Variants in MLIP observed in about 807,000 individuals in gnomAD.
MLIP encodes the protein muscular LMNA interacting protein.
A neutral mutation model predicts 84.8 loss-of-function variants in MLIP; 79 were observed. The observed-to-expected ratio is 0.93, with a 90% CI of 0.78 to 1.12. The LOEUF is 1.12. MLIP is among the 50% of genes most tolerant of loss of function. MLIP has a pLI of 0.00. For synonymous variants in MLIP, 504 were observed against 463.0 expected (o/e 1.09, Z -1.14); for missense variants, 1,257 against 1,160.6 (o/e 1.08, Z -1.21).
At chr6:54,030,734 C>A (rs984657571) in intron 1 of MLIP, 2 of 152,128 alleles carry the variant, frequency 1.3e-5, no homozygotes, top group African/African-American at 4.8e-5. Flanking sequence ...GCAGTCTCAT[C>A]TGCAGACAGG....
intron 1 of MLIP, among the ~76,000 whole-genome samples, chr6:54,025,844 A>G (rs535698237): frequency 1.3e-5 from 2 of 152,248 alleles, no homozygotes; most frequent in East Asian, 1.9e-4. Context: ...TCCCTAAGGT[A>G]TTTGTGTTGC....
Position 54,261,493 on chromosome 6 carries a change from T to C in MLIP, c.2976+4132T>C, listed in dbSNP as rs1246488878. ...ACACATGCTAGGCAAATTCTTGTGT[T>C]TTCTTATTCCTTCTCTTTGCAGATT... On this transcript the variant is annotated intron_variant, in intron 13 of 13. Coordinates refer to ENST00000502396, the MANE Select transcript of MLIP (RefSeq NM_001281747.2). The C allele has an allele frequency of 5.0e-6, 4 of 796,866 alleles. No individual in the cohort carries two copies. In the African/African-American group the frequency reaches 7.5e-5, roughly 15 times the overall value. The allele number at this position is 796,866 out of a possible 1,614,324, so 49.4% of individuals were successfully genotyped here. A position where few individuals can be genotyped will look rare whatever the true frequency, so the allele number is the denominator to read the frequency against.
intron 8 of MLIP, among the ~76,000 whole-genome samples, chr6:54,167,088 T>A (rs1230822276): frequency 2.0e-5 from 3 of 151,976 alleles, no homozygotes; most frequent in African/African-American, 7.2e-5. Flanking sequence ...TGAGCCACTG[T>A]GTTTTGTTGG....
At chr6:54,134,075 T>TAG (rs1409592823) in intron 3 of MLIP, among the ~76,000 whole-genome samples, 1 of 152,040 alleles carries the variant, frequency 6.6e-6, no homozygotes, top group East Asian at 1.9e-4. Flanking sequence ...CATAGAGGGT[T>TAG]ATGAATGGTA....
At chr6:54,224,740 A>C (rs1385434597) in intron 11 of MLIP, among the ~76,000 whole-genome samples, 1 of 149,276 alleles carries the variant, frequency 6.7e-6, no homozygotes, top group African/African-American at 2.5e-5. Context: ...ACCCCCTTGC[A>C]CTCTTCCCCC....
At position 54,153,098 on chromosome 6, in the gene MLIP, G is replaced by A. The variant is rs188249420; in HGVS notation, c.2289+3971G>A. Among the ~76,000 whole-genome samples, 776 of 152,200 alleles carry A rather than the reference G, an allele frequency of 5.1e-3. 21 individuals are homozygous for A. The highest frequency in any genetic ancestry group is 9.7e-4 in the Non-Finnish European group (66 of 67,986). ...TCACGATACATTTGATTCATAAGAA[G>A]TGTGTACTTAAGAGAAGAATTCTGG... On this transcript the variant is annotated intron_variant, in intron 5 of 13. Coordinates refer to ENST00000502396, the MANE Select transcript of MLIP (RefSeq NM_001281747.2).
intron 11 of MLIP, among the ~76,000 whole-genome samples, chr6:54,220,089 A>T (rs1331477485): frequency 6.6e-6 from 1 of 152,208 alleles, no homozygotes; most frequent in Non-Finnish European, 1.5e-5. Flanking sequence ...CATCAGACAT[A>T]CGTATCCATT....
At chr6:54,120,458 C>A (rs1770349204) in intron 1 of MLIP, among the ~76,000 whole-genome samples, 1 of 152,092 alleles carries the variant, frequency 6.6e-6, no homozygotes, top group African/African-American at 2.4e-5. Flanking sequence ...AGGCTGGTTT[C>A]AAACCCCTGA....
Position 54,137,335 on chromosome 6 carries a change from G to A in MLIP, c.1266G>A (p.Lys422=), listed in dbSNP as rs979986975. 1.6e-5 allele frequency: 24 copies of A among 1,535,776 alleles called. No individual in the cohort carries two copies. Among genetic ancestry groups the A allele is most frequent in the Non-Finnish European group, 1.7e-5 (20 of 1,146,856 alleles). The part of the protein sequence containing the change: ...SRLALLTAIL[K]SNPSHQRPFS... The stretch of plus-strand genomic sequence containing the variant: ...TTGCCCTTCTCACTGCCATTCTCAA[G>A]TCAAACCCTTCCCACCAAAGACCCT... Residue 422 remains lysine (K), a synonymous_variant, in exon 4 of 14, where the codon AAG becomes AAA. Transcript: ENST00000502396.
chr6:54,224,733 C>G (rs2150782432), intron 11 of MLIP, among the ~76,000 whole-genome samples: 1 of 151,752 alleles, frequency 6.6e-6, no homozygotes, highest in East Asian at 1.9e-4. Flanking sequence ...TCCCTCGACC[C>G]CCTTGCACTC....
At chr6:54,042,092 T>C (rs990122283) in intron 1 of MLIP, among the ~76,000 whole-genome samples, 2 of 152,212 alleles carry the variant, frequency 1.3e-5, no homozygotes, top group South Asian at 2.1e-4. Flanking sequence ...TTCTTCTACA[T>C]AAGAAAGGAA....
chr6:54,073,181 GGTGGAACTTGGA>G (rs1332773335), intron 1 of MLIP, among the ~76,000 whole-genome samples: 1 of 152,164 alleles, frequency 6.6e-6, no homozygotes, highest in Non-Finnish European at 1.5e-5. Context: ...AGAGCTGGGG[GGTGGAACTTGGA>G]GTTCCTTTTT....
chr6:54,219,540 T>C (rs2150767659), intron 11 of MLIP, among the ~76,000 whole-genome samples: 1 of 152,316 alleles, frequency 6.6e-6, no homozygotes, highest in South Asian at 2.1e-4. Flanking sequence ...TGCATGACTG[T>C]ATGTATCTAT....
intron 1 of MLIP, among the ~76,000 whole-genome samples, chr6:54,021,570 A>T (rs1427976061): frequency 2.0e-5 from 3 of 152,218 alleles, no homozygotes; most frequent in Non-Finnish European, 4.4e-5. Context: ...AAGGCAAGAC[A>T]CAAGTAAAAC....
chr6:54,094,617 A>G (rs1768086952), intron 1 of MLIP, among the ~76,000 whole-genome samples: 1 of 151,674 alleles, frequency 6.6e-6, no homozygotes, highest in Non-Finnish European at 1.5e-5. Context: ...TTACAAAGCT[A>G]AGAAGAAGAA....
chr6:54,019,817 C>T (rs1323697044), intron 1 of MLIP, among the ~76,000 whole-genome samples: 1 of 152,058 alleles, frequency 6.6e-6, no homozygotes, highest in African/African-American at 2.4e-5. Context: ...AGACCAAATT[C>T]ATGGGAATAC....
chr6:54,121,918 C>T (rs1209366329), intron 2 of MLIP, among the ~76,000 whole-genome samples: 1 of 151,892 alleles, frequency 6.6e-6, no homozygotes, highest in Non-Finnish European at 1.5e-5. Context: ...AAATTTATCT[C>T]AAAAGAAAAT....
At chr6:54,133,768 A>G (rs1483825787) in intron 3 of MLIP, among the ~76,000 whole-genome samples, 1 of 152,156 alleles carries the variant, frequency 6.6e-6, no homozygotes, top group Non-Finnish European at 1.5e-5. Context: ...TTACCTAATG[A>G]TAGGAGCACA....
chr6:54,160,571 A>C lies in MLIP; in HGVS notation c.2411A>C (p.Asp804Ala). The C allele has an allele frequency of 2.5e-6, 4 of 1,612,290 alleles. No individual in the cohort carries two copies. The highest frequency in any genetic ancestry group is 3.4e-6 in the Non-Finnish European group (4 of 1,178,924). The change falls in exon 7 of 14, where the codon GAT (aspartate) becomes GCT (alanine). Residue 804 changes from aspartate (D) to alanine (A), a missense_variant. Coordinates refer to ENST00000502396, the MANE Select transcript of MLIP (RefSeq NM_001281747.2). ...QQTEELCATI[D>A]KVLQDSLSMH... is the part of the protein sequence containing the mutation. ...ACTGAAGAGCTCTGTGCTACCATTG[A>C]TAAGGTCTTACAGGATTCCTTGTCT...
Sources: gnomAD v4.1 joint callset for allele counts (sites outside exome capture counted in the v4.1 genomes callset) on GRCh38, gnomAD v4.1.1 for gene constraint, MANE v1.5 for transcripts, NCBI Gene and HGNC (gene_info 2026-07-23, HGNC 2026-07-21) for gene names.